The following GAL3ST2 variants were observed in gnomAD, a reference collection of about 807,000 sequenced individuals.
The protein encoded by GAL3ST2 is beta-galactose-3-O-sulfotransferase 2.
In GAL3ST2, 16 loss-of-function variants were observed where a neutral mutation model predicts 12.9. The ratio of observed to expected loss-of-function variants is 1.24; its 90% CI spans 0.84 to 1.88. The LOEUF is 1.88. Among genes scored for constraint, GAL3ST2 ranks in the 40% most tolerant of loss-of-function variants. GAL3ST2 has a pLI of 0.00. For synonymous variants in GAL3ST2, 302 were observed against 273.9 expected (o/e 1.10, Z -1.01); for missense variants, 639 against 571.8 (o/e 1.12, Z -1.20).
chr2:241,793,317 C>T lies in GAL3ST2; in HGVS notation c.30-5748C>T, dbSNP rs1415737918. ...GGAACCGCAGGGGGATGTGTGTGTC[C>T]GTGTGTGTGTATGTGTATGTATCTG... On this transcript the variant is annotated intron_variant, in intron 1 of 3. Transcript: ENST00000192314. The surrounding 1 kb of genome is among the most constrained non-coding windows in gnomAD (Gnocchi z 4.7). Among the ~76,000 whole-genome samples, 2 of 151,562 alleles carry T rather than the reference C, an allele frequency of 1.3e-5. No individual in the cohort carries two copies. Among genetic ancestry groups the T allele is most frequent in the East Asian group, 3.9e-4 (2 of 5,174 alleles).
intron 1 of GAL3ST2, among the ~76,000 whole-genome samples, chr2:241,788,312 C>T (rs542311984): frequency 2.0e-4 from 31 of 152,084 alleles, no homozygotes; most frequent in East Asian, 1.7e-3. Flanking sequence ...TTGACCTCGG[C>T]GTGTATAATG....
chr2:241,799,802 G>C (rs904910705), intron 2 of GAL3ST2, among the ~76,000 whole-genome samples: 6 of 152,272 alleles, frequency 3.9e-5, no homozygotes, highest in Middle Eastern at 6.8e-3. Context: ...CCATCACCCA[G>C]GCTGGCCAGG....
rs140371109 is a variant in GAL3ST2 at position 241,802,570 on chromosome 2, G to A, written c.375+534G>A. Among the ~76,000 whole-genome samples the A allele has an allele frequency of 1.3e-3, 194 of 151,854 alleles. 1 individual carries two copies. In the East Asian group the frequency reaches 0.019, roughly 15 times the overall value. ...GACCAGGCGGGGCCAGAGGGAGGCC[G>A]GGTGGGGAGAGGTGATGGGCAGAGA... On this transcript the variant is annotated intron_variant, in intron 3 of 3. Transcript: ENST00000192314. The surrounding 1 kb of genome is among the most constrained non-coding windows in gnomAD (Gnocchi z 4.8).
chr2:241,802,615 C>T lies in GAL3ST2; in HGVS notation c.375+579C>T, dbSNP rs939127551. ...CAGAGAGCGGGGCAGCGGGGGTGTGCTGTGGGGTGGGGGCTGCGGGGCAGA... is the reference window on the plus strand; with the variant it reads ...CAGAGAGCGGGGCAGCGGGGGTGTGTTGTGGGGTGGGGGCTGCGGGGCAGA... On this transcript the variant is annotated intron_variant, in intron 3 of 3. Coordinates refer to ENST00000192314, the MANE Select transcript of GAL3ST2 (RefSeq NM_022134.3). This position sits in a 1 kb window ranked among gnomAD's most constrained non-coding sequence, Gnocchi z 4.8. Among the ~76,000 whole-genome samples, 3 of 92,390 alleles carry T rather than the reference C, an allele frequency of 3.2e-5. No homozygotes were observed. Among genetic ancestry groups the T allele is most frequent in the African/African-American group, 1.2e-4 (3 of 24,438 alleles). 60.6% of individuals were successfully genotyped at this position (92,390 alleles called of 152,430 possible).
At chr2:241,789,533 T>G (rs113993867) in intron 1 of GAL3ST2, among the ~76,000 whole-genome samples, 8,140 of 152,344 alleles carry the variant, frequency 0.053, 257 homozygotes, top group African/African-American at 0.065. Flanking sequence ...AAACAGATTA[T>G]CAAGAATTTG....
At chr2:241,791,610 G>T (rs1245050014) in intron 1 of GAL3ST2, among the ~76,000 whole-genome samples, 3 of 152,162 alleles carry the variant, frequency 2.0e-5, no homozygotes, top group Admixed American at 1.3e-4. Flanking sequence ...GTATTTGATG[G>T]CACAAATTCG....
chr2:241,777,937 T>C (rs114606310), intron 1 of GAL3ST2, among the ~76,000 whole-genome samples: 1,955 of 152,128 alleles, frequency 0.013, 44 homozygotes, highest in African/African-American at 0.045. Context: ...ACTCTGTGGG[T>C]GAGACATGGG....
intron 1 of GAL3ST2, among the ~76,000 whole-genome samples, chr2:241,798,287 C>T (rs903908479): frequency 8.5e-5 from 13 of 152,314 alleles, no homozygotes; most frequent in Admixed American, 4.6e-4. Context: ...TCAGTCACCC[C>T]GGGCTGTCAC....
At chr2:241,794,894 T>C (rs1394853220) in intron 1 of GAL3ST2, among the ~76,000 whole-genome samples, 1 of 152,252 alleles carries the variant, frequency 6.6e-6, no homozygotes, top group Non-Finnish European at 1.5e-5. Context: ...TTTTAGCAGC[T>C]GAACTCTTGA....
chr2:241,776,906 C>T lies in GAL3ST2; in HGVS notation c.-50C>T, dbSNP rs1386811186. On this transcript the variant is annotated 5_prime_UTR_variant, in exon 1 of 4. Coordinates refer to ENST00000192314, the MANE Select transcript of GAL3ST2 (RefSeq NM_022134.3). ...GGCAGGGGCCGAGGCGGTGGGACCT[C>T]GGGGGAGCTCAAGCCTCGACTGTCC... 8.4e-6 allele frequency: 12 copies of T among 1,432,620 alleles called. No individual in the cohort carries two copies. The highest frequency in any genetic ancestry group is 3.1e-5 in the South Asian group (2 of 64,596). 88.7% of individuals were successfully genotyped at this position (1,432,620 alleles called of 1,614,324 possible). A position where few individuals can be genotyped will look rare whatever the true frequency, so the allele number is the denominator to read the frequency against.
At position 241,803,733 on chromosome 2, in the gene GAL3ST2, C is replaced by A. The variant is rs760080900; in HGVS notation, c.764C>A (p.Ser255Tyr). 1 of 1,530,800 alleles carries A rather than the reference C, an allele frequency of 6.5e-7. No individual in the cohort carries two copies. Among genetic ancestry groups the A allele is most frequent in the South Asian group, 1.2e-5 (1 of 82,082 alleles). The allele number at this position is 1,530,800 out of a possible 1,614,324, so 94.8% of individuals were successfully genotyped here. Residue 255 changes from serine to tyrosine, a missense_variant, in exon 4 of 4, where the codon TCC becomes TAC. By Grantham distance (144) the Ser-to-Tyr change is moderately radical (BLOSUM62 -2). Coordinates refer to ENST00000192314, the MANE Select transcript of GAL3ST2 (RefSeq NM_022134.3). ...LDDVVAFRLN[S>Y]RSARSVARLS... ...GACGTGGTGGCCTTCAGGCTCAACT[C>A]CCGCAGCGCGCGCTCCGTGGCCCGC... is the stretch of plus-strand genomic sequence containing the variant.
At chr2:241,777,868 C>G (rs1699512433) in intron 1 of GAL3ST2, among the ~76,000 whole-genome samples, 1 of 152,190 alleles carries the variant, frequency 6.6e-6, no homozygotes, top group Non-Finnish European at 1.5e-5. Flanking sequence ...TAGGGCCCCC[C>G]TGGCTGCCCT....
Position 241,795,152 on chromosome 2 carries a change from G to A in GAL3ST2, c.30-3913G>A, listed in dbSNP as rs1238938326. Among the ~76,000 whole-genome samples, 2 of 152,010 alleles carry A rather than the reference G, an allele frequency of 1.3e-5. No individual in the cohort carries two copies. Among genetic ancestry groups the A allele is most frequent in the Admixed American group, 6.6e-5 (1 of 15,262 alleles). ...CCCCACGGTGCTCTGGGTCGGTCAC[G>A]GGCACCTGTGGCTGGGCTCACCTCC... On this transcript the variant is annotated intron_variant, in intron 1 of 3. Coordinates refer to ENST00000192314, the MANE Select transcript of GAL3ST2 (RefSeq NM_022134.3). The surrounding 1 kb of genome is among the most constrained non-coding windows in gnomAD (Gnocchi z 4.5).
At chr2:241,786,852 G>A (rs1342822768) in intron 1 of GAL3ST2, among the ~76,000 whole-genome samples, 1 of 152,096 alleles carries the variant, frequency 6.6e-6, no homozygotes, top group Non-Finnish European at 1.5e-5. Context: ...TTTGAGATAG[G>A]TCTACAAAAG....
intron 1 of GAL3ST2, among the ~76,000 whole-genome samples, chr2:241,798,526 C>G (rs753566325): frequency 6.6e-6 from 1 of 152,164 alleles, no homozygotes; most frequent in Non-Finnish European, 1.5e-5. Flanking sequence ...AATCCCATTA[C>G]AGGGACTCCA....
rs1165591946 is a variant in GAL3ST2, at chr2:241,803,297, C to G, written c.376-48C>G. ...CGCCTCCTCCCCGCGGGTGGGCCACCCTGGCCTGGGCCCGCGGTCCGCAGC... is the reference window on the plus strand; with the variant it reads ...CGCCTCCTCCCCGCGGGTGGGCCACGCTGGCCTGGGCCCGCGGTCCGCAGC... On this transcript the variant is annotated intron_variant, in intron 3 of 3. Transcript: ENST00000192314. The G allele has an allele frequency of 4.0e-6, 6 of 1,499,366 alleles. No individual in the cohort carries two copies. In the South Asian group the frequency reaches 7.8e-5, roughly 20 times the overall value. The allele number at this position is 1,499,366 out of a possible 1,614,324, so 92.9% of individuals were successfully genotyped here.
intron 1 of GAL3ST2, among the ~76,000 whole-genome samples, chr2:241,794,995 G>A (rs756135795): frequency 6.6e-6 from 1 of 152,020 alleles, no homozygotes; most frequent in Non-Finnish European, 1.5e-5. Flanking sequence ...TGCACAATTC[G>A]CTGGTTTCTA....
At chr2:241,783,892 C>T (rs60613042) in intron 1 of GAL3ST2, among the ~76,000 whole-genome samples, 2,725 of 152,234 alleles carry the variant, frequency 0.018, 87 homozygotes, top group African/African-American at 0.063. Context: ...AGTTTTGAAA[C>T]AAAAATGATA....
rs1337015244 is a variant in GAL3ST2, at chr2:241,801,672, G to A, written c.120-109G>A. 12 of 1,427,436 alleles carry A rather than the reference G, an allele frequency of 8.4e-6. No individual in the cohort carries two copies. Among genetic ancestry groups the A allele is most frequent in the Admixed American group, 2.2e-5 (1 of 46,258 alleles). 88.4% of individuals were successfully genotyped at this position (1,427,436 alleles called of 1,614,324 possible). A position where few individuals can be genotyped will look rare whatever the true frequency, so the allele number is the denominator to read the frequency against. On this transcript the variant is annotated intron_variant, in intron 2 of 3. Transcript: ENST00000192314. This position sits in a 1 kb window ranked among gnomAD's most constrained non-coding sequence, Gnocchi z 4.4. ...TGGCCCCCTGGCCTAGAGTTGGGGG[G>A]CTCAGGTTGGGAGGTCTCTCCTTGC... is the stretch of plus-strand genomic sequence containing the variant.
Sources: gnomAD v4.1 joint callset for allele counts (sites outside exome capture counted in the v4.1 genomes callset) on GRCh38, gnomAD v4.1.1 for gene constraint, Gnocchi (gnomAD v3.1) non-coding constraint, MANE v1.5 for transcripts, NCBI Gene and HGNC (gene_info 2026-07-23, HGNC 2026-07-21) for gene names.